Variants in PLPPR1 observed in about 807,000 individuals in gnomAD.
PLPPR1 encodes phospholipid phosphatase-related protein type 1.
PLPPR1 carries 10 observed loss-of-function variants against 33.1 expected under a neutral mutation model. The observed-to-expected ratio is 0.30, with a 90% confidence interval of 0.19 to 0.51. The LOEUF (loss-of-function observed/expected upper bound fraction) is 0.51, where lower values mean the gene tolerates loss of function less well. Among genes scored for constraint, PLPPR1 ranks in the 20% least tolerant of loss-of-function variants. The pLI, the probability that PLPPR1 is intolerant of heterozygous loss-of-function variation, is 0.97. For missense variants in PLPPR1, 304 were observed against 408.1 expected, an observed-to-expected ratio of 0.74 and a Z score of 2.20; for synonymous variants, 151 against 151.0, an observed-to-expected ratio of 1.00 and a Z score of 0.00.
chr9:101,136,760 T>A (rs553603267), intron 1 of PLPPR1, among the ~76,000 whole-genome samples: 1 of 152,270 alleles, frequency 6.6e-6, no homozygotes, highest in East Asian at 1.9e-4. Flanking sequence ...TGACTTATAG[T>A]CAAGTTGATC....
chr9:101,304,344 C>T (rs1486774629), intron 4 of PLPPR1, among the ~76,000 whole-genome samples: 1 of 152,212 alleles, frequency 6.6e-6, no homozygotes, highest in Non-Finnish European at 1.5e-5. Context: ...AAAGTTTCTT[C>T]AGCAATTCAT....
chr9:101,217,031 G>A (rs1826812163), intron 2 of PLPPR1, among the ~76,000 whole-genome samples: 1 of 152,084 alleles, frequency 6.6e-6, no homozygotes, highest in African/African-American at 2.4e-5. Flanking sequence ...ATTTACAATT[G>A]GAGTTGTGAT....
chr9:101,134,648 T>G (rs775789517), intron 1 of PLPPR1, among the ~76,000 whole-genome samples: 2 of 152,030 alleles, frequency 1.3e-5, no homozygotes, highest in Non-Finnish European at 2.9e-5. Context: ...CCTCCCAGAG[T>G]GCCGGGATTA....
chr9:101,091,948 G>A (rs906092737), intron 1 of PLPPR1, among the ~76,000 whole-genome samples: 3 of 152,106 alleles, frequency 2.0e-5, no homozygotes, highest in Non-Finnish European at 2.9e-5. Flanking sequence ...CAAGGCATTC[G>A]AAACGCCTCC....
chr9:101,307,648 A>C (rs1828880051), intron 4 of PLPPR1, among the ~76,000 whole-genome samples: 1 of 152,250 alleles, frequency 6.6e-6, no homozygotes. Flanking sequence ...ATCAGCACAG[A>C]TACAAATGAA....
At chr9:101,308,094 G>GAAT (rs1169247081) in intron 4 of PLPPR1, among the ~76,000 whole-genome samples, 1 of 152,182 alleles carries the variant, frequency 6.6e-6, no homozygotes, top group Non-Finnish European at 1.5e-5. Flanking sequence ...AGCAAAACCA[G>GAAT]AATAATGCAC....
At chr9:101,312,079 T>A (rs1357372492) in intron 5 of PLPPR1, among the ~76,000 whole-genome samples, 1 of 152,220 alleles carries the variant, frequency 6.6e-6, no homozygotes, top group Non-Finnish European at 1.5e-5. Flanking sequence ...TTTACTTAGC[T>A]CAGGTCTTCT....
intron 2 of PLPPR1, among the ~76,000 whole-genome samples, chr9:101,224,456 G>C (rs916355672): frequency 6.6e-5 from 10 of 152,182 alleles, no homozygotes; most frequent in African/African-American, 2.4e-4. Context: ...TGCTGTCATT[G>C]AGTCTTTCAC....
intron 4 of PLPPR1, among the ~76,000 whole-genome samples, chr9:101,289,144 T>A (rs1454386230): frequency 6.6e-6 from 1 of 152,188 alleles, no homozygotes; most frequent in Non-Finnish European, 1.5e-5. Flanking sequence ...TACCTGCACA[T>A]GTGCTGCTCC....
At chr9:101,320,955 T>C (rs1278127214) in intron 7 of PLPPR1, among the ~76,000 whole-genome samples, 2 of 152,128 alleles carry the variant, frequency 1.3e-5, no homozygotes, top group Non-Finnish European at 1.5e-5. Context: ...TTTTTTGAAA[T>C]CCACAACTCC....
Position 101,180,129 on chromosome 9 carries a change from TATATATATATATATACAC to T in PLPPR1, c.-45-5319_-45-5302del, listed in dbSNP as rs1249896170. Among the ~76,000 whole-genome samples the T allele has an allele frequency of 6.3e-3, 228 of 36,134 alleles. 12 individuals carry two copies. Among genetic ancestry groups the T allele is most frequent in the African/African-American group, 0.029 (203 of 6,956 alleles). 23.7% of individuals were successfully genotyped at this position (36,134 alleles called of 152,430 possible). On this transcript the variant is annotated intron_variant, in intron 1 of 7. Transcript: ENST00000374874. ...ATATATATATATATATATATATATA[TATATATATATATATACAC>T]ACACACACACACACATACACACACA... is the stretch of plus-strand genomic sequence containing the variant.
intron 1 of PLPPR1, among the ~76,000 whole-genome samples, chr9:101,124,758 C>T (rs1831223742): frequency 6.6e-6 from 1 of 152,208 alleles, no homozygotes; most frequent in South Asian, 2.1e-4. Context: ...ACCTGATCAT[C>T]ACCTGAAGAG....
At chr9:101,233,614 AC>A (rs924373879) in intron 2 of PLPPR1, among the ~76,000 whole-genome samples, 4 of 151,952 alleles carry the variant, frequency 2.6e-5, no homozygotes, top group African/African-American at 9.7e-5. Context: ...TTATATAAAG[AC>A]AAACTTGGCC....
chr9:101,298,823 A>G (rs113200137), intron 4 of PLPPR1, among the ~76,000 whole-genome samples: 2 of 152,332 alleles, frequency 1.3e-5, no homozygotes, highest in South Asian at 2.1e-4. Flanking sequence ...AGTAGTACAG[A>G]GAAAAATAGG....
At chr9:101,299,206 A>G (rs1414251613) in intron 4 of PLPPR1, among the ~76,000 whole-genome samples, 1 of 150,596 alleles carries the variant, frequency 6.6e-6, no homozygotes, top group African/African-American at 2.5e-5. Flanking sequence ...ACACAGGTTA[A>G]GAGGAAAGAG....
At chr9:101,081,441 C>T (rs1357014427) in intron 1 of PLPPR1, among the ~76,000 whole-genome samples, 3 of 152,154 alleles carry the variant, frequency 2.0e-5, no homozygotes, top group African/African-American at 7.2e-5. Flanking sequence ...GATCCACCCA[C>T]CTCAGCCTCC....
intron 2 of PLPPR1, among the ~76,000 whole-genome samples, chr9:101,261,034 C>T (rs1827889413): frequency 6.6e-6 from 1 of 152,122 alleles, no homozygotes; most frequent in South Asian, 2.1e-4. Context: ...GAGCTGAGTA[C>T]TTATCAAGTG....
chr9:101,265,135 ACTTTT>A (rs1334474157), intron 2 of PLPPR1, among the ~76,000 whole-genome samples: 1 of 152,068 alleles, frequency 6.6e-6, no homozygotes, highest in East Asian at 1.9e-4. Context: ...TGACATTTTT[ACTTTT>A]CTTTAACCAG....
chr9:101,140,497 G>A (rs1238789774), intron 1 of PLPPR1, among the ~76,000 whole-genome samples: 1 of 152,170 alleles, frequency 6.6e-6, no homozygotes, highest in African/African-American at 2.4e-5. Flanking sequence ...GGCAGCAGAA[G>A]ATGCCTTACG....
Sources: allele counts gnomAD v4.1 joint callset (sites outside exome capture counted in the v4.1 genomes callset), GRCh38; gene constraint gnomAD v4.1.1; transcripts MANE v1.5; gene names NCBI Gene and HGNC (gene_info 2026-07-23, HGNC 2026-07-21).